ROBO2: variants seen among roughly 807,000 people sequenced by gnomAD.
ROBO2 encodes the protein roundabout guidance receptor 2.
In ROBO2, 53 loss-of-function variants were observed where a neutral mutation model predicts 160.8. That is an observed-to-expected ratio of 0.33 (90% CI 0.26 to 0.41). ROBO2 has a LOEUF of 0.41. Ranked by LOEUF, ROBO2 falls within the 10% of genes least tolerant of loss-of-function variation. ROBO2 has a pLI of 1.00. For missense variants in ROBO2, 1,577 were observed against 1,722.4 expected (o/e 0.92, Z 1.49); for synonymous variants, 664 against 611.7 (o/e 1.09, Z -1.26).
At chr3:76,878,121 G>A (rs754662043) in intron 2 of ROBO2, among the ~76,000 whole-genome samples, 4 of 152,080 alleles carry the variant, frequency 2.6e-5, no homozygotes, top group Non-Finnish European at 4.4e-5. Flanking sequence ...TCAGTCCATA[G>A]CATTCCACCC....
At chr3:77,293,669 A>G (rs2061612751) in intron 2 of ROBO2, among the ~76,000 whole-genome samples, 1 of 142,802 alleles carries the variant, frequency 7.0e-6, no homozygotes, top group African/African-American at 2.8e-5. Context: ...CATAAAGTAA[A>G]ATTGATGGTT....
chr3:76,967,511 CTTT>C (rs59372235), intron 2 of ROBO2, among the ~76,000 whole-genome samples: 60 of 55,384 alleles, frequency 1.1e-3, no homozygotes, highest in African/African-American at 4.9e-3. Context: ...CTGGCCAGCT[CTTT>C]TTTTTTTTTT....
chr3:77,137,016 T>G (rs1408887232), intron 2 of ROBO2, among the ~76,000 whole-genome samples: 1 of 152,148 alleles, frequency 6.6e-6, no homozygotes, highest in African/African-American at 2.4e-5. Flanking sequence ...ACTCCTAACC[T>G]CAAGCAGTCC....
At chr3:76,025,855 C>G (rs2066726908) in intron 2 of ROBO2, among the ~76,000 whole-genome samples, 1 of 151,834 alleles carries the variant, frequency 6.6e-6, no homozygotes, top group African/African-American at 2.4e-5. Context: ...ATCTCTGCCA[C>G]TTCAGTGGCA....
At chr3:76,154,427 G>A (rs1260407952) in intron 2 of ROBO2, among the ~76,000 whole-genome samples, 1 of 152,080 alleles carries the variant, frequency 6.6e-6, no homozygotes, top group South Asian at 2.1e-4. Context: ...AAAAGTTCAC[G>A]AGAGCACAAC....
chr3:77,180,434 ATT>A lies in ROBO2; in HGVS notation c.388+82112_388+82113del, dbSNP rs71104658. Among the ~76,000 whole-genome samples, 624 of 81,340 alleles carry A rather than the reference ATT, an allele frequency of 7.7e-3. 4 individuals are homozygous for A. The highest frequency in any genetic ancestry group is 0.023 in the African/African-American group (570 of 24,604). The allele number at this position is 81,340 out of a possible 152,430, so 53.4% of individuals were successfully genotyped here. ...TCTCTCTCTATATATATATATATGT[ATT>A]TTTTTTTTTTTTTTTTTGAGACAGA... is the stretch of plus-strand genomic sequence containing the variant. On this transcript the variant is annotated intron_variant, in intron 2 of 25. Coordinates refer to ENST00000461745, the Ensembl canonical transcript of ROBO2.
At position 76,639,444 on chromosome 3, in the gene ROBO2, A is replaced by G. The variant is rs114600014; in HGVS notation, c.110-458570A>G. 2.8e-3 allele frequency among the ~76,000 whole-genome samples: 413 copies of G among 145,676 alleles called. 5 individuals carry two copies. Among genetic ancestry groups the G allele is most frequent in the African/African-American group, 0.011 (402 of 38,154 alleles). On this transcript the variant is annotated intron_variant, in intron 2 of 26. Transcript: ENST00000487694. Reference sequence around the variant, plus strand: ...CATATATAAACATATACGTGTATATATAAGTGTACCTACACTCTCTCACAC... The same window carrying G: ...CATATATAAACATATACGTGTATATGTAAGTGTACCTACACTCTCTCACAC...
intron 8 of ROBO2, among the ~76,000 whole-genome samples, chr3:77,552,777 CAT>C (rs1414441912): frequency 9.2e-5 from 14 of 152,010 alleles, no homozygotes; most frequent in African/African-American, 2.4e-5. Flanking sequence ...TATGTACACA[CAT>C]GTTATCAATT....
At position 76,522,226 on chromosome 3, in the gene ROBO2, G is replaced by A. The variant is rs376085227; in HGVS notation, c.110-575788G>A. Among the ~76,000 whole-genome samples, 42 of 152,280 alleles carry A rather than the reference G, an allele frequency of 2.8e-4. 2 individuals are homozygous for A. The highest frequency in any genetic ancestry group is 2.5e-3 in the South Asian group (12 of 4,824). On this transcript the variant is annotated intron_variant, in intron 2 of 26. Transcript: ENST00000487694. ...TAAAATCATTTCAGCATTGGCCCAAGTGCAACATAGAGTAATTAGAGAAGT... is the reference window on the plus strand; with the variant it reads ...TAAAATCATTTCAGCATTGGCCCAAATGCAACATAGAGTAATTAGAGAAGT...
At chr3:76,883,502 C>T (rs975790497) in intron 2 of ROBO2, among the ~76,000 whole-genome samples, 18 of 152,040 alleles carry the variant, frequency 1.2e-4, no homozygotes, top group Admixed American at 7.2e-4. Flanking sequence ...GAGGTGACTT[C>T]GGTATATTAA....
At chr3:76,968,098 T>A (rs1001382237) in intron 2 of ROBO2, among the ~76,000 whole-genome samples, 5 of 152,170 alleles carry the variant, frequency 3.3e-5, no homozygotes, top group African/African-American at 1.2e-4. Flanking sequence ...AGAACCTGAA[T>A]ATCTTGAATA....
chr3:76,935,768 T>C (rs1177460269), intron 2 of ROBO2, among the ~76,000 whole-genome samples: 1 of 152,144 alleles, frequency 6.6e-6, no homozygotes, highest in Non-Finnish European at 1.5e-5. Flanking sequence ...CTGATCCCAC[T>C]TCAGGGATCA....
At chr3:76,516,954 C>A (rs774832895) in intron 2 of ROBO2, among the ~76,000 whole-genome samples, 4 of 151,956 alleles carry the variant, frequency 2.6e-5, no homozygotes, top group African/African-American at 9.7e-5. Flanking sequence ...AAAGAGACAG[C>A]GATTATTTTG....
At chr3:76,259,892 C>T (rs1706634809) in intron 2 of ROBO2, among the ~76,000 whole-genome samples, 1 of 152,150 alleles carries the variant, frequency 6.6e-6, no homozygotes, top group South Asian at 2.1e-4. Context: ...AGTCTTGTGT[C>T]TGCTGGCAGC....
At chr3:75,989,301 A>G (rs1237481058) in intron 2 of ROBO2, among the ~76,000 whole-genome samples, 1 of 152,046 alleles carries the variant, frequency 6.6e-6, no homozygotes, top group Non-Finnish European at 1.5e-5. Flanking sequence ...TACATTTACT[A>G]GAGACGAAGT....
chr3:76,402,913 A>G (rs1230525441), intron 2 of ROBO2, among the ~76,000 whole-genome samples: 1 of 151,616 alleles, frequency 6.6e-6, no homozygotes, highest in African/African-American at 2.4e-5. Context: ...TACGTCTGCA[A>G]AGTCCCTCTT....
At chr3:76,309,693 GT>G (rs2071485733) in intron 2 of ROBO2, among the ~76,000 whole-genome samples, 1 of 152,144 alleles carries the variant, frequency 6.6e-6, no homozygotes, top group South Asian at 2.1e-4. Context: ...TTCATGTATT[GT>G]GTCTCACTGA....
chr3:76,532,211 A>T (rs1461815903), intron 2 of ROBO2, among the ~76,000 whole-genome samples: 3 of 152,182 alleles, frequency 2.0e-5, no homozygotes, highest in Admixed American at 6.6e-5. Flanking sequence ...CTGAATGCTG[A>T]ATTCATACTC....
chr3:77,035,744 C>G (rs924591430), upstream of ROBO2, among the ~76,000 whole-genome samples: 1 of 151,744 alleles, frequency 6.6e-6, no homozygotes, highest in Non-Finnish European at 1.5e-5. Context: ...CTTTCTGGAA[C>G]AAAGTCAAGT....
Sources: allele counts gnomAD v4.1 joint callset (sites outside exome capture counted in the v4.1 genomes callset), GRCh38; gene constraint gnomAD v4.1.1; transcripts MANE v1.5; gene names NCBI Gene and HGNC (gene_info 2026-07-23, HGNC 2026-07-21).